Variants in SLC4A4 observed in about 807,000 individuals in gnomAD.
SLC4A4 encodes electrogenic sodium bicarbonate cotransporter 1.
A neutral mutation model predicts 111.5 loss-of-function variants in SLC4A4; 27 were observed. The ratio of observed to expected loss-of-function variants is 0.24; its 90% CI spans 0.18 to 0.33. The LOEUF is 0.33. Among genes scored for constraint, SLC4A4 ranks in the 10% least tolerant of loss-of-function variants. SLC4A4 has a pLI of 1.00. For synonymous variants in SLC4A4, 443 were observed against 463.4 expected, an observed-to-expected ratio of 0.96 and a Z score of 0.57; for missense variants, 909 against 1,315.5, an observed-to-expected ratio of 0.69 and a Z score of 4.78.
intron 1 of SLC4A4, among the ~76,000 whole-genome samples, chr4:71,207,681 G>T (rs970502239): frequency 1.3e-5 from 2 of 152,172 alleles, no homozygotes; most frequent in African/African-American, 4.8e-5. Flanking sequence ...TTACTTCATG[G>T]TTTTTCAAGT....
intron 1 of SLC4A4, among the ~76,000 whole-genome samples, chr4:71,226,140 T>G (rs1435922877): frequency 2.0e-5 from 3 of 152,160 alleles, no homozygotes; most frequent in Non-Finnish European, 4.4e-5. Flanking sequence ...GGGTATTTAT[T>G]ATTTTTTTTT....
chr4:71,106,014 AC>A (rs1289968912), intron 2 of SLC4A4, among the ~76,000 whole-genome samples: 3 of 138,636 alleles, frequency 2.2e-5, no homozygotes, highest in Non-Finnish European at 4.7e-5. Context: ...AATTTTCGCA[AC>A]CTACTCATCT....
intron 2 of SLC4A4, among the ~76,000 whole-genome samples, chr4:71,168,855 T>C (rs924735494): frequency 2.0e-5 from 3 of 152,156 alleles, no homozygotes; most frequent in African/African-American, 7.2e-5. Context: ...ATTCCCCTGT[T>C]GATGGGCACT....
intron 2 of SLC4A4, among the ~76,000 whole-genome samples, chr4:71,125,153 C>A (rs1743528380): frequency 6.6e-6 from 1 of 152,016 alleles, no homozygotes; most frequent in African/African-American, 2.4e-5. Flanking sequence ...TATGTATAGG[C>A]AAGTGGCTTA....
chr4:71,075,887 C>T (rs1408428306), intron 1 of SLC4A4, among the ~76,000 whole-genome samples: 1 of 151,668 alleles, frequency 6.6e-6, no homozygotes, highest in African/African-American at 2.4e-5. Flanking sequence ...TTGCTTGAAC[C>T]TGGGAGGAGG....
intron 2 of SLC4A4, among the ~76,000 whole-genome samples, chr4:71,174,595 A>T (rs1335974878): frequency 6.6e-6 from 1 of 152,158 alleles, no homozygotes; most frequent in Admixed American, 6.5e-5. Flanking sequence ...GGAAACCACA[A>T]ATCTAAATTA....
At chr4:71,147,376 C>T (rs752880503) in intron 2 of SLC4A4, among the ~76,000 whole-genome samples, 1 of 152,030 alleles carries the variant, frequency 6.6e-6, no homozygotes, top group South Asian at 2.1e-4. Flanking sequence ...TGCCTTTTTC[C>T]CAACTCTCCT....
At chr4:71,129,784 C>CAAAAAA (rs35737857) in intron 2 of SLC4A4, among the ~76,000 whole-genome samples, 8 of 75,566 alleles carry the variant, frequency 1.1e-4, no homozygotes, top group Non-Finnish European at 1.5e-4. Context: ...TACCATGCAC[C>CAAAAAA]AAAAAAAAAA....
At chr4:71,548,656 C>T (rs1246522023) in intron 20 of SLC4A4, among the ~76,000 whole-genome samples, 1 of 151,870 alleles carries the variant, frequency 6.6e-6, no homozygotes, top group Non-Finnish European at 1.5e-5. Context: ...TTTTCTCTTA[C>T]AATTTTTATT....
chr4:71,262,773 T>TC (rs1308234046), intron 3 of SLC4A4, among the ~76,000 whole-genome samples: 2 of 152,066 alleles, frequency 1.3e-5, no homozygotes, highest in African/African-American at 4.8e-5. Flanking sequence ...TTTTTTTTTT[T>TC]CTAGCAAACA....
intron 1 of SLC4A4, among the ~76,000 whole-genome samples, chr4:71,196,834 C>CAAAAA (rs71212000): frequency 0.062 from 1,253 of 20,322 alleles, 506 homozygotes; most frequent in Non-Finnish European, 0.1. Flanking sequence ...ACTCTGTCTC[C>CAAAAA]AAAAAAAAAA....
chr4:71,316,149 TGTCA>T (rs1726658181), intron 3 of SLC4A4, among the ~76,000 whole-genome samples: 1 of 152,314 alleles, frequency 6.6e-6, no homozygotes, highest in East Asian at 1.9e-4. Flanking sequence ...ATTATAGCAG[TGTCA>T]GTATCTCAGT....
At chr4:71,213,752 A>AT (rs2050789518) in intron 1 of SLC4A4, among the ~76,000 whole-genome samples, 2 of 152,114 alleles carry the variant, frequency 1.3e-5, no homozygotes, top group African/African-American at 4.8e-5. Context: ...CATCAATGGG[A>AT]TTAGTGCCCC....
chr4:71,456,231 C>G (rs1330343131), intron 12 of SLC4A4, among the ~76,000 whole-genome samples: 1 of 152,112 alleles, frequency 6.6e-6, no homozygotes, highest in Non-Finnish European at 1.5e-5. Context: ...TTTTCACTCT[C>G]TTCCAAAGCT....
chr4:71,407,222 A>T (rs530607478), intron 7 of SLC4A4, among the ~76,000 whole-genome samples: 3 of 152,268 alleles, frequency 2.0e-5, no homozygotes, highest in South Asian at 4.2e-4. Flanking sequence ...TAATTACCAG[A>T]ATTACTATTA....
intron 1 of SLC4A4, among the ~76,000 whole-genome samples, chr4:71,072,399 A>G (rs560592349): frequency 2.1e-4 from 32 of 152,246 alleles, no homozygotes; most frequent in Admixed American, 1.8e-3. Flanking sequence ...AGTTATGTCT[A>G]TTGTTAGACT....
At chr4:71,166,291 C>G (rs1334856018) in intron 2 of SLC4A4, among the ~76,000 whole-genome samples, 8 of 152,184 alleles carry the variant, frequency 5.3e-5, no homozygotes, top group Admixed American at 2.0e-4. Context: ...CAAAGGATAG[C>G]AGGTCCTAAT....
At chr4:71,375,100 T>C (rs1039457866) in intron 6 of SLC4A4, among the ~76,000 whole-genome samples, 8 of 152,232 alleles carry the variant, frequency 5.3e-5, no homozygotes, top group African/African-American at 1.4e-4. Context: ...CATGTCCTTA[T>C]TTCCTTTTGC....
At position 71,472,915 on chromosome 4, in the gene SLC4A4, C is replaced by T. The variant is rs201912044; in HGVS notation, c.1848C>T (p.Asn616=). Residue 616 remains asparagine, a synonymous_variant, in exon 14 of 26, where the codon AAC becomes AAT. Transcript: ENST00000264485. ...CAGATTACTACCCCATCAACTCCAA[C>T]TTCAAAGTGGGCTACAACACTCTCT... ...KLADYYPINS[N]FKVGYNTLFS... 30 of 1,612,972 alleles carry T rather than the reference C, an allele frequency of 1.9e-5. No homozygotes were observed. In the East Asian group the frequency reaches 5.8e-4, roughly 31 times the overall value.
Sources: allele counts gnomAD v4.1 joint callset (sites outside exome capture counted in the v4.1 genomes callset), GRCh38; gene constraint gnomAD v4.1.1; transcripts MANE v1.5; gene names NCBI Gene and HGNC (gene_info 2026-07-23, HGNC 2026-07-21).